Variants in RBM12 observed in about 807,000 individuals in gnomAD.
The protein encoded by RBM12 is RNA binding motif protein 12.
In RBM12, 24 loss-of-function variants were observed where a neutral mutation model predicts 37.2. That is an observed-to-expected ratio of 0.65 (90% CI 0.47 to 0.91). RBM12 has a LOEUF of 0.91. Among genes scored for constraint, RBM12 ranks in the 40% least tolerant of loss-of-function variants. The pLI is 0.00. For missense variants in RBM12, 1,061 were observed against 1,183.2 expected (o/e 0.90, Z 1.52); for synonymous variants, 420 against 425.2 (o/e 0.99, Z 0.15).
At chr20:35,656,020 T>A (rs528956446) in intron 2 of RBM12, among the ~76,000 whole-genome samples, 2 of 152,300 alleles carry the variant, frequency 1.3e-5, no homozygotes, top group East Asian at 3.9e-4. Flanking sequence ...GGTTAAGACA[T>A]ACTAAGAAGC....
At chr20:35,659,181 A>T (rs1300851074) in intron 1 of RBM12, among the ~76,000 whole-genome samples, 167 bp from the exon 2 acceptor site, 1 of 151,834 alleles carries the variant, frequency 6.6e-6, no homozygotes, top group Admixed American at 6.6e-5. Flanking sequence ...AAAATCCCAC[A>T]CATGCTTTTT....
At chr20:35,663,045 ATCT>A (rs2034321237) in intron 1 of RBM12, among the ~76,000 whole-genome samples, 1 of 152,224 alleles carries the variant, frequency 6.6e-6, no homozygotes, top group East Asian at 1.9e-4. Flanking sequence ...TACTAAGCAC[ATCT>A]TCATTGTTTT....
At chr20:35,663,188 T>C (rs759194286) in intron 1 of RBM12, among the ~76,000 whole-genome samples, 17 of 152,198 alleles carry the variant, frequency 1.1e-4, no homozygotes, top group Non-Finnish European at 2.1e-4. Flanking sequence ...AATCCAGAAA[T>C]CCTCCATTCT....
chr20:35,653,494 T>C lies in RBM12; in HGVS notation c.1829A>G (p.Asn610Ser). ...TACATGAACAAAAGCTTCTCTCCCA[T>C]TAAGTTTTTTACGGTGTAAGCGTTC... Reference protein sequence around the residue: ...KSERLHRKKLNGREAFVHVVT... With the variant: ...KSERLHRKKLSGREAFVHVVT... The change falls in exon 3 of 3, where the codon AAT becomes AGT. Residue 610 changes from asparagine (N) to serine (S), a missense_variant. Physicochemically the swap from Asn to Ser is conservative, Grantham distance 46. Coordinates refer to ENST00000374114, the MANE Select transcript of RBM12 (RefSeq NM_006047.6). The C allele has an allele frequency of 6.2e-7, 1 of 1,614,240 alleles. No individual in the cohort carries two copies. The highest frequency in any genetic ancestry group is 8.5e-7 in the Non-Finnish European group (1 of 1,180,044).
chr20:35,660,092 A>G (rs2034145778), intron 1 of RBM12, among the ~76,000 whole-genome samples: 1 of 152,270 alleles, frequency 6.6e-6, no homozygotes, highest in Non-Finnish European at 1.5e-5. Context: ...TCAAGTTGCT[A>G]AAGAATAGTG....
At chr20:35,658,088 A>T (rs2034010129) in intron 2 of RBM12, among the ~76,000 whole-genome samples, 1 of 152,152 alleles carries the variant, frequency 6.6e-6, no homozygotes, top group Admixed American at 6.5e-5. Flanking sequence ...ATTTAAAAAA[A>T]AATTTAAAAA....
At chr20:35,664,649 G>C (rs547113795) in intron 1 of RBM12, 111 bp downstream of exon 1, 9 of 152,592 alleles carry the variant, frequency 5.9e-5, no homozygotes, top group African/African-American at 1.7e-4. Context: ...CCTTTGTGTG[G>C]GGCGCTAGTT....
In RBM12 at chr20:35,653,775, C is replaced by A. The variant is rs774763459; in HGVS notation, c.1548G>T (p.Met516Ile). 8.7e-6 allele frequency: 14 copies of A among 1,614,062 alleles called. No individual in the cohort carries two copies. The highest frequency in any genetic ancestry group is 8.5e-6 in the Non-Finnish European group (10 of 1,180,046). The change falls in exon 3 of 3, where the codon ATG (methionine) becomes ATT (isoleucine). Residue 516 changes from methionine (M) to isoleucine (I), a missense_variant. By Grantham distance (10) the Met-to-Ile change is conservative. Coordinates refer to ENST00000374114, the MANE Select transcript of RBM12 (RefSeq NM_006047.6). The stretch of plus-strand genomic sequence containing the variant: ...TGAAGTTCTGCAGTCTTTTTCGAAT[C>A]ATATCTATCTTTTCTAGCATACCTT... ...TKKGMLEKID[M>I]IRKRLQNFSY...
In RBM12 at chr20:35,654,095, T is replaced by C. The variant is rs780229661; in HGVS notation, c.1228A>G (p.Arg410Gly). Residue 410 changes from arginine (R) to glycine (G), a missense_variant, in exon 3 of 3, where the codon AGG becomes GGG. Arg to Gly is a moderately radical substitution (Grantham distance 125). Around this residue, in one of 3 missense-constraint regions of RBM12, gnomAD observed 540 missense variants for 632.7 expected, o/e 0.85. Coordinates refer to ENST00000374114, the MANE Select transcript of RBM12 (RefSeq NM_006047.6). ...QTHPPPQTLP[R>G]SKSPSGQKRS... ...TTCTGCCCACTGGGCGATTTTGACC[T>C]GGGAAGTGTCTGAGGAGGGGGATGA... The C allele has an allele frequency of 3.1e-6, 5 of 1,614,238 alleles. No homozygotes were observed. The highest frequency in any genetic ancestry group is 2.2e-5 in the East Asian group (1 of 44,888).
At chr20:35,661,510 C>CTGA (rs2034229785) in intron 1 of RBM12, among the ~76,000 whole-genome samples, 2 of 152,236 alleles carry the variant, frequency 1.3e-5, no homozygotes, top group Admixed American at 1.3e-4. Flanking sequence ...ATTAAAGCCA[C>CTGA]TGATATACTT....
chr20:35,653,819 C>A lies in RBM12; in HGVS notation c.1504G>T (p.Val502Phe). The A allele has an allele frequency of 6.2e-7, 1 of 1,613,862 alleles. No homozygotes were observed. The highest frequency in any genetic ancestry group is 8.5e-7 in the Non-Finnish European group (1 of 1,180,042). The change falls in exon 3 of 3, where the codon GTT (valine) becomes TTT (phenylalanine). Residue 502 changes from valine to phenylalanine, a missense_variant. By Grantham distance (50) the Val-to-Phe change is conservative (BLOSUM62 -1). This residue lies in a region of RBM12 where 4 missense variants were observed against 16.5 expected (regional missense o/e 0.24). Coordinates refer to ENST00000374114, the MANE Select transcript of RBM12 (RefSeq NM_006047.6). ...KQYMGNRFIQ[V>F]HPITKKGMLE... ...ATACCTTTCTTAGTAATTGGATGAACTTGAATAAAGCGATTGCCCATGTAC... is the reference window on the plus strand; with the variant it reads ...ATACCTTTCTTAGTAATTGGATGAAATTGAATAAAGCGATTGCCCATGTAC...
intron 1 of RBM12, chr20:35,664,310 CT>C (rs1305058074): frequency 6.6e-6 from 1 of 152,438 alleles, no homozygotes; most frequent in Non-Finnish European, 1.5e-5. Context: ...CAAAGGCCTC[CT>C]TTCCATTTCG....
At position 35,649,552 on chromosome 20, in the gene RBM12, TTTCAC is replaced by T. The variant is rs2033354938; in HGVS notation, c.*2967_*2971del. The T allele has an allele frequency of 6.6e-6, 1 of 152,654 alleles. No homozygotes were observed. Among genetic ancestry groups the T allele is most frequent in the South Asian group, 2.1e-4 (1 of 4,832 alleles). 9.5% of individuals were successfully genotyped at this position (152,654 alleles called of 1,614,324 possible). A position where few individuals can be genotyped will look rare whatever the true frequency, so the allele number is the denominator to read the frequency against. ...TTGGAGTACAAAGCTAGGAACTACATTTCACTTAACACTGTTTCATTTTTTAAAAA... is the reference window on the plus strand; with the variant it reads ...TTGGAGTACAAAGCTAGGAACTACATTTAACACTGTTTCATTTTTTAAAAA... On this transcript the variant is annotated 3_prime_UTR_variant, in exon 3 of 3. Coordinates refer to ENST00000374114, the MANE Select transcript of RBM12 (RefSeq NM_006047.6).
intron 1 of RBM12, among the ~76,000 whole-genome samples, chr20:35,659,564 G>T (rs1413496427): frequency 6.6e-6 from 1 of 152,088 alleles, no homozygotes; most frequent in Non-Finnish European, 1.5e-5. Flanking sequence ...CTTGCTATAA[G>T]GACTAATTCC....
rs748585394 is a variant in RBM12, at chr20:35,652,836, G to A, written c.2487C>T (p.Pro829=). ...TTGGGCCAGGGCCGGGGCCGGGGCC[G>A]GGGCCAGGCCCAAAAGCTGGTGGCC... ...LGGPPAFGPG[P]GPGPGPGPIH... is the part of the protein sequence containing the mutation. Residue 829 remains proline (P), a synonymous_variant, in exon 3 of 3, where the codon CCC becomes CCT. Transcript: ENST00000374114. 1.7e-5 allele frequency: 27 copies of A among 1,605,904 alleles called. No homozygotes were observed. In the African/African-American group the frequency reaches 2.4e-4, roughly 14 times the overall value.
intron 2 of RBM12, among the ~76,000 whole-genome samples, chr20:35,657,821 G>A (rs1042477713): frequency 6.6e-6 from 1 of 152,140 alleles, no homozygotes; most frequent in Non-Finnish European, 1.5e-5. Context: ...AGCACTTTGG[G>A]AGGATGAGGT....
intron 2 of RBM12, among the ~76,000 whole-genome samples, chr20:35,655,791 T>C (rs1179008556): frequency 6.6e-6 from 1 of 152,328 alleles, no homozygotes; most frequent in Non-Finnish European, 1.5e-5. Context: ...GATAATTTCA[T>C]AGAATTATCA....
chr20:35,656,274 T>C (rs908495541), intron 2 of RBM12, among the ~76,000 whole-genome samples: 6 of 152,128 alleles, frequency 3.9e-5, no homozygotes, highest in Non-Finnish European at 8.8e-5. Context: ...TACTCAGTGG[T>C]TGTTACAGTC....
At chr20:35,659,098 C>A in intron 1 of RBM12, 84 bp from the exon 2 acceptor site, 3 of 538,962 alleles carry the variant, frequency 5.6e-6, no homozygotes, top group Non-Finnish European at 1.0e-5. Context: ...ATTACGAAGG[C>A]GAGTCTGAAA....
Sources: gnomAD v4.1 joint callset for allele counts (sites outside exome capture counted in the v4.1 genomes callset) on GRCh38, gnomAD v4.1.1 for gene constraint, gnomAD v4.1.1 regional missense constraint, MANE v1.5 for transcripts, NCBI Gene and HGNC (gene_info 2026-07-23, HGNC 2026-07-21) for gene names.